HAPLN1: variants seen among roughly 807,000 people sequenced by gnomAD.
HAPLN1 encodes the protein hyaluronan and proteoglycan link protein 1.
In HAPLN1, 13 loss-of-function variants were observed where a neutral mutation model predicts 36.5. That is an observed-to-expected ratio of 0.36 (90% CI 0.23 to 0.57). HAPLN1 has a LOEUF of 0.57. Ranked by LOEUF, HAPLN1 falls within the 20% of genes least tolerant of loss-of-function variation. The pLI is 0.83. For synonymous variants in HAPLN1, 202 were observed against 169.8 expected (o/e 1.19, Z -1.48); for missense variants, 407 against 439.7 (o/e 0.93, Z 0.66).
intron 2 of HAPLN1, among the ~76,000 whole-genome samples, chr5:83,667,504 A>G (rs62362931): frequency 0.036 from 5,449 of 152,244 alleles, 155 homozygotes; most frequent in Non-Finnish European, 0.057. Context: ...TTTATAAAAT[A>G]TTTGTAGATA....
chr5:83,668,932 T>G (rs1023120486), intron 2 of HAPLN1, among the ~76,000 whole-genome samples: 6 of 152,180 alleles, frequency 3.9e-5, no homozygotes, highest in Non-Finnish European at 8.8e-5. Flanking sequence ...CGGTTCTGGA[T>G]AGACTTTATT....
At chr5:83,675,115 TG>T (rs1223504461) in intron 1 of HAPLN1, among the ~76,000 whole-genome samples, 1 of 152,196 alleles carries the variant, frequency 6.6e-6, no homozygotes, top group Non-Finnish European at 1.5e-5. Context: ...TTGTTGTTGT[TG>T]TTGGTTGTTT....
chr5:83,674,701 A>G (rs1750820418), intron 1 of HAPLN1: 1 of 152,112 alleles, frequency 6.6e-6, no homozygotes, highest in South Asian at 2.1e-4. Context: ...TCTCACACTA[A>G]TTTGTTTTTT....
chr5:83,663,939 C>T lies in HAPLN1; in HGVS notation c.100+9485G>A, dbSNP rs75730682. ...AGCCTCACCTTTACTCTTGGCCCAC[C>T]GTAATCCATTATTCACATGGTCTTT... On this transcript the variant is annotated intron_variant, in intron 2 of 4. Coordinates refer to ENST00000274341, the MANE Select transcript of HAPLN1 (RefSeq NM_001884.4). Among the ~76,000 whole-genome samples the T allele has an allele frequency of 2.7e-3, 417 of 152,076 alleles. 10 individuals carry two copies. In the East Asian group the frequency reaches 0.056, roughly 20 times the overall value.
chr5:83,675,351 AGTATAAAGAAG>A (rs1750834783), intron 1 of HAPLN1: 1 of 152,070 alleles, frequency 6.6e-6, no homozygotes, highest in Admixed American at 6.6e-5. Context: ...TGGAGGAGAG[AGTATAAAGAAG>A]GTGTATAATT....
intron 1 of HAPLN1, among the ~76,000 whole-genome samples, chr5:83,700,281 CTT>C (rs1751479071): frequency 2.0e-5 from 3 of 151,156 alleles, no homozygotes; most frequent in Admixed American, 6.6e-5. Flanking sequence ...CAAATAAAGA[CTT>C]TTCTTTTTAA....
chr5:83,704,583 GA>G (rs1377612113), intron 1 of HAPLN1, among the ~76,000 whole-genome samples: 1 of 152,068 alleles, frequency 6.6e-6, no homozygotes, highest in African/African-American at 2.4e-5. Context: ...ATGGAAACCA[GA>G]AAAAAGCAGG....
chr5:83,665,535 T>C (rs1190181074), intron 2 of HAPLN1, among the ~76,000 whole-genome samples: 1 of 152,186 alleles, frequency 6.6e-6, no homozygotes, highest in Non-Finnish European at 1.5e-5. Context: ...CAAAGGCGTT[T>C]TTATTTTAAA....
chr5:83,645,191 A>G (rs879350288), intron 3 of HAPLN1, among the ~76,000 whole-genome samples: 3 of 152,236 alleles, frequency 2.0e-5, no homozygotes, highest in Non-Finnish European at 4.4e-5. Context: ...CTATATAATT[A>G]GTAATTAGTT....
chr5:83,703,395 T>C (rs1380545016), intron 1 of HAPLN1: 1 of 152,224 alleles, frequency 6.6e-6, no homozygotes, highest in African/African-American at 2.4e-5. Flanking sequence ...TTGAATGTTT[T>C]TTTGTAGTTT....
rs998598405 is a variant in HAPLN1 at position 83,682,851 on chromosome 5, T to C, written c.-26-9302A>G. Among the ~76,000 whole-genome samples the C allele has an allele frequency of 5.9e-5, 9 of 152,100 alleles. No homozygotes were observed. The South Asian group carries it at 1.9e-3, about 31-fold the overall frequency. On this transcript the variant is annotated intron_variant, in intron 1 of 4. Transcript: ENST00000274341. ...TAGGTTTTTAAATTATAATGATCTT[T>C]GAAGGTGTTTTTTAAGCTTTTAAAA...
intron 1 of HAPLN1, among the ~76,000 whole-genome samples, chr5:83,699,522 T>TAA (rs887558034): frequency 6.6e-6 from 1 of 152,180 alleles, no homozygotes; most frequent in African/African-American, 2.4e-5. Context: ...ATAATTATGT[T>TAA]AAGATCTAAA....
At chr5:83,681,858 C>T (rs1007031110) in intron 1 of HAPLN1, among the ~76,000 whole-genome samples, 7 of 152,144 alleles carry the variant, frequency 4.6e-5, no homozygotes, top group Non-Finnish European at 1.0e-4. Context: ...TTTAGGACTG[C>T]TTTTAAATGT....
chr5:83,661,629 A>T (rs912525561), intron 2 of HAPLN1, among the ~76,000 whole-genome samples: 1 of 151,884 alleles, frequency 6.6e-6, no homozygotes, highest in East Asian at 1.9e-4. Flanking sequence ...TATTTTTAGT[A>T]GAGACGGGGT....
chr5:83,659,351 A>G (rs1750316159), intron 2 of HAPLN1, among the ~76,000 whole-genome samples: 1 of 152,176 alleles, frequency 6.6e-6, no homozygotes, highest in Non-Finnish European at 1.5e-5. Flanking sequence ...ACCTGAAGAT[A>G]CAAAGGAGTA....
chr5:83,680,399 A>C (rs1008934873), intron 1 of HAPLN1, among the ~76,000 whole-genome samples: 3 of 152,178 alleles, frequency 2.0e-5, no homozygotes, highest in Non-Finnish European at 4.4e-5. Flanking sequence ...TAATAAATGC[A>C]GGGACCACAT....
At chr5:83,690,771 T>C (rs7444755) in intron 1 of HAPLN1, among the ~76,000 whole-genome samples, 116,571 of 151,864 alleles carry the variant, frequency 0.77, 44,917 homozygotes, top group East Asian at 0.83. Context: ...ATTTATATGG[T>C]GATTATATAT....
chr5:83,680,194 G>A (rs1049504267), intron 1 of HAPLN1, among the ~76,000 whole-genome samples: 7 of 152,100 alleles, frequency 4.6e-5, no homozygotes, highest in Non-Finnish European at 1.0e-4. Flanking sequence ...TGCTTGAGAT[G>A]GGGGTTAGAC....
At chr5:83,653,602 C>G (rs1477553507) in intron 2 of HAPLN1, among the ~76,000 whole-genome samples, 2 of 152,186 alleles carry the variant, frequency 1.3e-5, no homozygotes, top group Non-Finnish European at 2.9e-5. Flanking sequence ...AAATATCCTT[C>G]TATTCTCTCT....
Sources: gnomAD v4.1 joint callset for allele counts (sites outside exome capture counted in the v4.1 genomes callset) on GRCh38, gnomAD v4.1.1 for gene constraint, MANE v1.5 for transcripts, NCBI Gene and HGNC (gene_info 2026-07-23, HGNC 2026-07-21) for gene names.